COL5A1: variants seen among roughly 807,000 people sequenced by gnomAD.
COL5A1 encodes the protein collagen alpha-1(V) chain.
Under a neutral mutation model 263.7 loss-of-function variants are expected in COL5A1, and 16 were observed. The observed-to-expected ratio is 0.06, with a 90% CI of 0.04 to 0.09. The LOEUF is 0.09. COL5A1 is among the 10% of genes least tolerant of loss of function. The pLI is 1.00. For missense variants in COL5A1, 2,036 were observed against 2,540.5 expected (o/e 0.80, Z 4.27); for synonymous variants, 1,012 against 1,004.5 (o/e 1.01, Z -0.14).
rs1564415452 is a variant in COL5A1, at chr9:134,728,927, C to CGG, written c.924+124_924+125dup. The CGG allele has an allele frequency of 3.0e-6, 4 of 1,319,306 alleles. No individual in the cohort carries two copies. The African/African-American group carries it at 4.4e-5, about 14-fold the overall frequency. The allele number at this position is 1,319,306 out of a possible 1,614,324, so 81.7% of individuals were successfully genotyped here. A position where few individuals can be genotyped will look rare whatever the true frequency, so the allele number is the denominator to read the frequency against. On this transcript the variant is annotated intron_variant, in intron 6 of 65. Coordinates refer to ENST00000371817, the MANE Select transcript of COL5A1 (RefSeq NM_000093.5). ...GTTGGGGGCTGTCTGGTGAAGGTTG[C>CGG]GGGGGCAGCTCAGTGAGGGAGCCGG...
intron 1 of COL5A1, among the ~76,000 whole-genome samples, chr9:134,656,437 G>A (rs1215647415): frequency 6.6e-6 from 1 of 152,166 alleles, no homozygotes; most frequent in African/African-American, 2.4e-5. Flanking sequence ...TGAACTCCTG[G>A]CTGTGGGATC....
Position 134,818,570 on chromosome 9 carries a change from G to A in COL5A1, c.4231-86G>A. 1.0e-6 allele frequency: 1 copy of A among 981,144 alleles called. No homozygotes were observed. The highest frequency in any genetic ancestry group is 1.6e-6 in the Non-Finnish European group (1 of 628,760). 60.8% of individuals were successfully genotyped at this position (981,144 alleles called of 1,614,324 possible). ...GGTCACCTGGGACTCCTCCAGAGGT[G>A]CCCAGGGTTTCCGAGCAGTGGTCCT... On this transcript the variant is annotated intron_variant, in intron 54 of 65. Coordinates refer to ENST00000371817, the MANE Select transcript of COL5A1 (RefSeq NM_000093.5). The surrounding 1 kb of genome is among the most constrained non-coding windows in gnomAD (Gnocchi z 6.0).
chr9:134,813,373 C>T (rs762239358), intron 48 of COL5A1, among the ~76,000 whole-genome samples: 13 of 152,192 alleles, frequency 8.5e-5, no homozygotes, highest in African/African-American at 3.1e-4. Flanking sequence ...GCACCGTTTC[C>T]AGAGCTTTCT....
chr9:134,729,853 C>T (rs946527990), intron 6 of COL5A1, among the ~76,000 whole-genome samples: 1 of 152,124 alleles, frequency 6.6e-6, no homozygotes, highest in Non-Finnish European at 1.5e-5. Context: ...TGTGTGTGAG[C>T]GTGTGTGTAT....
At chr9:134,791,325 G>T (rs911069860) in intron 32 of COL5A1, among the ~76,000 whole-genome samples, 6 of 152,210 alleles carry the variant, frequency 3.9e-5, no homozygotes, top group African/African-American at 1.4e-4. Context: ...CCATGGTAGT[G>T]GTGGTTCATG....
At chr9:134,835,966 C>A (rs1839839892) in intron 65 of COL5A1, among the ~76,000 whole-genome samples, 1 of 152,192 alleles carries the variant, frequency 6.6e-6, no homozygotes, top group African/African-American at 2.4e-5. Context: ...TCAGACATGT[C>A]CCCCTCGTGT....
intron 1 of COL5A1, among the ~76,000 whole-genome samples, chr9:134,679,155 C>T (rs1312288624): frequency 1.3e-5 from 2 of 151,992 alleles, no homozygotes; most frequent in African/African-American, 4.8e-5. Flanking sequence ...TCTGGGCCTC[C>T]TTGTCTTGTG....
In COL5A1 at chr9:134,817,088, T is replaced by G. The variant is rs10858282; in HGVS notation, c.4176+9T>G. On this transcript the variant is annotated intron_variant, in intron 53 of 65. Transcript: ENST00000371817. ...GGCCTCCAGGAAAAAGGGTAAATAA[T>G]CCTGCAGGCACATCCTTGCTGTCAA... The G allele has an allele frequency of 0.37, 591,435 of 1,609,628 alleles. 111,610 individuals are homozygous for G. The highest frequency in any genetic ancestry group is 0.39 in the Non-Finnish European group (461,092 of 1,176,274).
At chr9:134,750,972 A>C in intron 13 of COL5A1, 90 bp downstream of exon 13, 1 of 1,093,760 alleles carries the variant, frequency 9.1e-7, no homozygotes. Context: ...TCAGAGCCCA[A>C]CTTGGAGGGA....
At chr9:134,779,614 T>A (rs1186532103) in intron 27 of COL5A1, among the ~76,000 whole-genome samples, 1 of 152,204 alleles carries the variant, frequency 6.6e-6, no homozygotes, top group Non-Finnish European at 1.5e-5. Context: ...GTAAGGGTTG[T>A]CGTCCTCTCC....
intron 37 of COL5A1, 107 bp from the exon 38 acceptor site, chr9:134,801,847 C>A: frequency 2.0e-6 from 2 of 1,000,340 alleles, no homozygotes; most frequent in Non-Finnish European, 3.2e-6. Flanking sequence ...GGAACATCTA[C>A]TCTGGGGGGA....
At chr9:134,719,855 G>T (rs1387367206) in intron 4 of COL5A1, among the ~76,000 whole-genome samples, 1 of 152,236 alleles carries the variant, frequency 6.6e-6, no homozygotes, top group Non-Finnish European at 1.5e-5. Flanking sequence ...GATTGGATGT[G>T]TGCCATGAAA....
intron 31 of COL5A1, among the ~76,000 whole-genome samples, chr9:134,786,362 G>A (rs982459283): frequency 9.2e-5 from 14 of 152,202 alleles, no homozygotes; most frequent in Admixed American, 2.0e-4. Flanking sequence ...AGCCTCCACC[G>A]TGTTCACTGC....
chr9:134,829,316 C>T (rs914999636), intron 63 of COL5A1, among the ~76,000 whole-genome samples: 13 of 151,332 alleles, frequency 8.6e-5, no homozygotes, highest in African/African-American at 3.2e-4. Context: ...GGGCCAGGCT[C>T]CTCACACGGC....
intron 27 of COL5A1, among the ~76,000 whole-genome samples, chr9:134,775,583 T>C (rs2132749769): frequency 6.6e-6 from 1 of 152,316 alleles, no homozygotes; most frequent in South Asian, 2.1e-4. Context: ...GGTAATGCAA[T>C]CTCGAGTTGT....
Position 134,796,873 on chromosome 9 carries a change from C to T in COL5A1, c.2870C>T (p.Thr957Ile), listed in dbSNP as rs1238099881. ...ERGPNGPQGP[T>I]GFPGPKGPPG... ...GGACCCAATGGACCCCAAGGACCCACAGGATTTCCTGGACCAAAGGGCCCC... is the reference window on the plus strand; with the variant it reads ...GGACCCAATGGACCCCAAGGACCCATAGGATTTCCTGGACCAAAGGGCCCC... The change falls in exon 36 of 66, where the codon ACA (threonine) becomes ATA (isoleucine). Residue 957 changes from threonine (T) to isoleucine (I), a missense_variant. This residue lies in a region of COL5A1 where 1,078 missense variants were observed against 1,521.4 expected (regional missense o/e 0.71). Transcript: ENST00000371817. The T allele has an allele frequency of 1.9e-6, 3 of 1,614,106 alleles. No homozygotes were observed. The highest frequency in any genetic ancestry group is 1.3e-5 in the African/African-American group (1 of 74,948).
At chr9:134,831,452 A>G (rs1206708279) in intron 64 of COL5A1, among the ~76,000 whole-genome samples, 1 of 152,056 alleles carries the variant, frequency 6.6e-6, no homozygotes, top group East Asian at 1.9e-4. Context: ...TGTGTTCCAA[A>G]AAGAGCTGCT....
In COL5A1 at chr9:134,735,999, C is replaced by A. The variant is rs181233579; in HGVS notation, c.1390-2475C>A. ...TGTGGCCTGGCTGGACATCTGCGGCCCCCCCAGCCGGGAGTCCCCTTGCCA... is the reference window on the plus strand; with the variant it reads ...TGTGGCCTGGCTGGACATCTGCGGCACCCCCAGCCGGGAGTCCCCTTGCCA... On this transcript the variant is annotated intron_variant, in intron 9 of 65. Transcript: ENST00000371817. 7.9e-3 allele frequency among the ~76,000 whole-genome samples: 1,199 copies of A among 151,008 alleles called. 14 individuals are homozygous for A. The highest frequency in any genetic ancestry group is 0.027 in the African/African-American group (1,094 of 41,022).
chr9:134,659,165 G>A (rs557542055), intron 1 of COL5A1, among the ~76,000 whole-genome samples: 7 of 149,254 alleles, frequency 4.7e-5, no homozygotes, highest in African/African-American at 1.7e-4. Context: ...AGGCTGAAGC[G>A]GGTGGATCAC....
Sources: gnomAD v4.1 joint callset for allele counts (sites outside exome capture counted in the v4.1 genomes callset) on GRCh38, gnomAD v4.1.1 for gene constraint, gnomAD v4.1.1 regional missense constraint, Gnocchi (gnomAD v3.1) non-coding constraint, MANE v1.5 for transcripts, NCBI Gene and HGNC (gene_info 2026-07-23, HGNC 2026-07-21) for gene names.